The following DIDO1 variants were observed in gnomAD, a reference collection of about 807,000 sequenced individuals.
The protein encoded by DIDO1 is death-inducer obliterator 1.
In DIDO1, 16 loss-of-function variants were observed where a neutral mutation model predicts 99.4. The observed-to-expected ratio is 0.16, with a 90% confidence interval of 0.11 to 0.24. The LOEUF (loss-of-function observed/expected upper bound fraction) is 0.24, where lower values mean the gene tolerates loss of function less well. Among genes scored for constraint, DIDO1 ranks in the 10% least tolerant of loss-of-function variants. The probability of loss-of-function intolerance (pLI) is 1.00; values close to 1 mark genes in which losing one functional copy is unlikely to be tolerated. For missense variants in DIDO1, 2,996 were observed against 3,014.0 expected (o/e 0.99, Z 0.14); for synonymous variants, 1,366 against 1,239.1 (o/e 1.10, Z -2.15).
intron 15 of DIDO1, among the ~76,000 whole-genome samples, chr20:62,884,654 G>A (rs1568830413): frequency 6.6e-6 from 1 of 152,242 alleles, no homozygotes; most frequent in African/African-American, 2.4e-5. Flanking sequence ...GAGCACGGAA[G>A]ATGGGTGAAG....
Position 62,881,324 on chromosome 20 carries a change from C to T in DIDO1, c.4632G>A (p.Lys1544=). 6.2e-7 allele frequency: 1 copy of T among 1,604,600 alleles called. No homozygotes were observed. The highest frequency in any genetic ancestry group is 8.5e-7 in the Non-Finnish European group (1 of 1,179,878). The change falls in exon 16 of 16, where the codon AAG becomes AAA. Residue 1544 remains lysine (K), a synonymous_variant. Transcript: ENST00000395343. The surrounding 1 kb of genome is among the most constrained non-coding windows in gnomAD (Gnocchi z 8.3). ...LFQQEQQSAD[K]PASLPPASQA... Reference sequence around the variant, plus strand: ...GGCTGGCGGGGGGCAGTGAGGCGGGCTTGTCTGCAGACTGCTGCTCTTGCT... The same window carrying T: ...GGCTGGCGGGGGGCAGTGAGGCGGGTTTGTCTGCAGACTGCTGCTCTTGCT...
At chr20:62,921,390 A>C (rs978393455) in intron 1 of DIDO1, among the ~76,000 whole-genome samples, 11 of 152,170 alleles carry the variant, frequency 7.2e-5, no homozygotes, top group Admixed American at 6.5e-4. Context: ...GGAGCCTGAA[A>C]GGCTGCTCCC....
At chr20:62,893,359 G>A (rs964125938) in intron 12 of DIDO1, among the ~76,000 whole-genome samples, 105 of 152,294 alleles carry the variant, frequency 6.9e-4, no homozygotes, top group African/African-American at 2.3e-3. Flanking sequence ...CAAGTTTTAC[G>A]TTTTTGGTAG....
Position 62,911,321 on chromosome 20 carries a change from C to G in DIDO1, c.292G>C (p.Glu98Gln). 1.2e-6 allele frequency: 2 copies of G among 1,608,666 alleles called. No homozygotes were observed. The highest frequency in any genetic ancestry group is 1.7e-6 in the Non-Finnish European group (2 of 1,179,966). Residue 98 changes from glutamate to glutamine, a missense_variant, in exon 3 of 16, where the codon GAG becomes CAG. Transcript: ENST00000395343. The surrounding 1 kb of genome is among the most constrained non-coding windows in gnomAD (Gnocchi z 7.0). ...TCTGTGGCGGGGCAGGACGTGGGCT[C>G]ACCAGAATCCTCCAGGGAGACAGGC... Reference protein sequence around the residue: ...SMPVSLEDSGEPTSCPATDAE... With the variant: ...SMPVSLEDSGQPTSCPATDAE...
rs565803230 is a variant in DIDO1 at position 62,881,469 on chromosome 20, T to C, written c.4487A>G (p.Gln1496Arg). 1 of 1,610,180 alleles carries C rather than the reference T, an allele frequency of 6.2e-7. No homozygotes were observed. Among genetic ancestry groups the C allele is most frequent in the African/African-American group, 1.3e-5 (1 of 75,010 alleles). Reference protein sequence around the residue: ...IEEQKRQLEEQEEALRQQRAA... With the variant: ...IEEQKRQLEEREEALRQQRAA... ...CCTCTGCTGCCTGAGAGCTTCTTCT[T>C]GCTCCTCCAGCTGTCTCTTCTGCTC... The change falls in exon 16 of 16, where the codon CAA becomes CGA. Residue 1496 changes from glutamine to arginine, a missense_variant. Around this residue, in one of 5 missense-constraint regions of DIDO1, gnomAD observed 1,562 missense variants for 1,412.6 expected, o/e 1.11. Coordinates refer to ENST00000395343, the MANE Select transcript of DIDO1 (RefSeq NM_001193369.2). The surrounding 1 kb of genome is among the most constrained non-coding windows in gnomAD (Gnocchi z 8.3).
intron 14 of DIDO1, among the ~76,000 whole-genome samples, chr20:62,891,443 G>C (rs944283518): frequency 3.3e-5 from 5 of 152,124 alleles, no homozygotes; most frequent in Admixed American, 6.5e-5. Flanking sequence ...TAAACTAGAC[G>C]ACAGGGTCTA....
intron 15 of DIDO1, chr20:62,889,315 C>G (rs2064351957): frequency 3.0e-6 from 3 of 985,524 alleles, no homozygotes; most frequent in Non-Finnish European, 2.4e-6. Context: ...CCGTCACTGC[C>G]CAGTGTGGGG....
chr20:62,897,729 T>C (rs1178009179), intron 6 of DIDO1, among the ~76,000 whole-genome samples: 2 of 152,214 alleles, frequency 1.3e-5, no homozygotes, highest in Non-Finnish European at 2.9e-5. Context: ...CACAAAAAGC[T>C]TTCTATGTCA....
chr20:62,915,827 A>G (rs1224303219), intron 1 of DIDO1, among the ~76,000 whole-genome samples: 1 of 152,158 alleles, frequency 6.6e-6, no homozygotes, highest in Non-Finnish European at 1.5e-5. Flanking sequence ...AGAAATTAAG[A>G]AGTTCTCGGG....
At chr20:62,913,406 C>A (rs1223778043) in intron 2 of DIDO1, among the ~76,000 whole-genome samples, 2 of 152,140 alleles carry the variant, frequency 1.3e-5, no homozygotes, top group Non-Finnish European at 2.9e-5. Context: ...GCCAGGTGAC[C>A]CCAGGCAAGT....
In DIDO1 at chr20:62,879,839, G is replaced by T; in HGVS notation, c.6117C>A (p.Asp2039Glu). The T allele has an allele frequency of 1.2e-6, 2 of 1,606,060 alleles. No homozygotes were observed. The highest frequency in any genetic ancestry group is 1.7e-6 in the Non-Finnish European group (2 of 1,177,060). ...LPSHPPQHRK[D>E]RWEEAGPPSA... ...AGGGCGGCCCGGCCTCCTCCCAGCG[G>T]TCCTTCCGGTGCTGCGGGGGGTGGC... Residue 2039 changes from aspartate to glutamate, a missense_variant, in exon 16 of 16, where the codon GAC becomes GAA. Coordinates refer to ENST00000395343, the MANE Select transcript of DIDO1 (RefSeq NM_001193369.2). This position sits in a 1 kb window ranked among gnomAD's most constrained non-coding sequence, Gnocchi z 6.3.
In DIDO1 at chr20:62,914,475, G is replaced by T. The variant is rs530907806; in HGVS notation, c.-199-69C>A. 3.3e-5 allele frequency: 5 copies of T among 152,350 alleles called. No homozygotes were observed. The East Asian group carries it at 9.6e-4, about 29-fold the overall frequency. The allele number at this position is 152,350 out of a possible 1,614,324, so 9.4% of individuals were successfully genotyped here. On this transcript the variant is annotated intron_variant, in intron 1 of 15. Transcript: ENST00000395343. ...ACGTATCGACAACAATTAAAAGGGA[G>T]TACCGAACTTCTCAAGTAACCTATT... is the stretch of plus-strand genomic sequence containing the variant.
Position 62,910,928 on chromosome 20 carries a change from C to G in DIDO1, c.685G>C (p.Ala229Pro). ...PENDQGVVSQ[A>P]GKDDRESKLE... ...TTACTCTCTCTGTCATCTTTCCCAG[C>G]CTGGGACACAACCCCCTGATCGTTC... is the stretch of plus-strand genomic sequence containing the variant. Residue 229 changes from alanine to proline, a missense_variant, in exon 3 of 16, where the codon GCT (alanine) becomes CCT (proline). Physicochemically the swap from Ala to Pro is conservative, Grantham distance 27 (BLOSUM62 -1). Coordinates refer to ENST00000395343, the MANE Select transcript of DIDO1 (RefSeq NM_001193369.2). 1 of 1,614,182 alleles carries G rather than the reference C, an allele frequency of 6.2e-7. No individual in the cohort carries two copies. Among genetic ancestry groups the G allele is most frequent in the Non-Finnish European group, 8.5e-7 (1 of 1,180,034 alleles).
chr20:62,880,163 A>G lies in DIDO1; in HGVS notation c.5793T>C (p.Pro1931=). The change falls in exon 16 of 16, where the codon CCT becomes CCC. Residue 1931 remains proline, a synonymous_variant. Coordinates refer to ENST00000395343, the MANE Select transcript of DIDO1 (RefSeq NM_001193369.2). ...GHFVGPRGPH[P]SQFETARGPH... is the part of the protein sequence containing the mutation. ...GGCCCCGGGCAGTTTCAAACTGACTAGGATGGGGCCCTCTTGGGCCCACGA... is the reference window on the plus strand; with the variant it reads ...GGCCCCGGGCAGTTTCAAACTGACTGGGATGGGGCCCTCTTGGGCCCACGA... The G allele has an allele frequency of 6.2e-7, 1 of 1,612,384 alleles. No individual in the cohort carries two copies. Among genetic ancestry groups the G allele is most frequent in the Non-Finnish European group, 8.5e-7 (1 of 1,179,878 alleles).
At position 62,879,661 on chromosome 20, in the gene DIDO1, G is replaced by A. The variant is rs867636169; in HGVS notation, c.6295C>T (p.Pro2099Ser). Reference sequence around the variant, plus strand: ...CCCTGGGCGTCGGGCTCCTCCAGCGGCTTCTCTTTGGGCCCCACGTCAAAC... The same window carrying A: ...CCCTGGGCGTCGGGCTCCTCCAGCGACTTCTCTTTGGGCCCCACGTCAAAC... ...ERFDVGPKEK[P>S]LEEPDAQGRA... is the part of the protein sequence containing the mutation. The change falls in exon 16 of 16, where the codon CCG (proline) becomes TCG (serine). Residue 2099 changes from proline (P) to serine (S), a missense_variant. Pro to Ser is a moderately conservative substitution (Grantham distance 74). This residue lies in a region of DIDO1 where 1,562 missense variants were observed against 1,412.6 expected (regional missense o/e 1.11). Transcript: ENST00000395343. This position sits in a 1 kb window ranked among gnomAD's most constrained non-coding sequence, Gnocchi z 6.3. The A allele has an allele frequency of 6.2e-7, 1 of 1,608,518 alleles. No homozygotes were observed. Among genetic ancestry groups the A allele is most frequent in the African/African-American group, 1.3e-5 (1 of 75,032 alleles).
intron 1 of DIDO1, among the ~76,000 whole-genome samples, chr20:62,935,656 G>A (rs2065375002): frequency 6.6e-6 from 1 of 152,200 alleles, no homozygotes; most frequent in Admixed American, 6.5e-5. Flanking sequence ...CCAATCAGCT[G>A]GGATGGCTGG....
chr20:62,901,508 T>C (rs901208633), intron 6 of DIDO1, among the ~76,000 whole-genome samples: 3 of 151,960 alleles, frequency 2.0e-5, no homozygotes, highest in African/African-American at 7.3e-5. Flanking sequence ...TTTATCTAAG[T>C]TGTTTACTAC....
chr20:62,898,752 A>AT (rs1473629655), intron 6 of DIDO1, among the ~76,000 whole-genome samples: 2 of 152,208 alleles, frequency 1.3e-5, no homozygotes, highest in African/African-American at 4.8e-5. Flanking sequence ...AAAGCGCACT[A>AT]TAAAAAATGG....
intron 6 of DIDO1, among the ~76,000 whole-genome samples, chr20:62,901,733 C>G (rs1423462868): frequency 3.4e-5 from 5 of 146,196 alleles, no homozygotes; most frequent in African/African-American, 1.3e-4. Flanking sequence ...AAATAAGTAG[C>G]AAAAATTCTT....
Sources: gnomAD v4.1 joint callset for allele counts (sites outside exome capture counted in the v4.1 genomes callset) on GRCh38, gnomAD v4.1.1 for gene constraint, gnomAD v4.1.1 regional missense constraint, Gnocchi (gnomAD v3.1) non-coding constraint, MANE v1.5 for transcripts, NCBI Gene and HGNC (gene_info 2026-07-23, HGNC 2026-07-21) for gene names.